Variants in CDH2 observed in about 807,000 individuals in gnomAD.
CDH2 encodes the protein cadherin-2.
Under a neutral mutation model 92.0 loss-of-function variants are expected in CDH2, and 17 were observed. The ratio of observed to expected loss-of-function variants is 0.18; its 90% CI spans 0.13 to 0.28. The LOEUF (loss-of-function observed/expected upper bound fraction) is 0.28, where lower values mean the gene tolerates loss of function less well. Ranked by LOEUF, CDH2 falls within the 10% of genes least tolerant of loss-of-function variation. The pLI is 1.00. For missense variants in CDH2, 862 were observed against 1,133.1 expected, an observed-to-expected ratio of 0.76 and a Z score of 3.44; for synonymous variants, 419 against 415.9, an observed-to-expected ratio of 1.01 and a Z score of -0.09.
chr18:28,024,585 A>T (rs1289416372), intron 2 of CDH2, among the ~76,000 whole-genome samples: 1 of 151,420 alleles, frequency 6.6e-6, no homozygotes, highest in Non-Finnish European at 1.5e-5. Context: ...TTAGTAATTA[A>T]AAGTTAAAAA....
intron 2 of CDH2, chr18:28,045,333 T>TA (rs2014052557): frequency 2.3e-6 from 1 of 442,818 alleles, no homozygotes; most frequent in Non-Finnish European, 4.6e-6. Context: ...AGCTGATGAA[T>TA]AAGTCTTTGT....
chr18:28,008,346 T>C (rs2012999744), intron 5 of CDH2, among the ~76,000 whole-genome samples: 2 of 152,158 alleles, frequency 1.3e-5, no homozygotes, highest in African/African-American at 2.4e-5. Flanking sequence ...AGCATTAGAA[T>C]AACCTATTCC....
intron 10 of CDH2, 76 bp downstream of exon 10, chr18:27,990,021 T>A: frequency 9.4e-7 from 1 of 1,060,480 alleles, no homozygotes; most frequent in Non-Finnish European, 1.4e-6. Flanking sequence ...TCTACTCAAA[T>A]AGTGAATTAG....
At chr18:28,151,688 A>C (rs922271254) in intron 1 of CDH2, among the ~76,000 whole-genome samples, 1 of 152,190 alleles carries the variant, frequency 6.6e-6, no homozygotes, top group African/African-American at 2.4e-5. Context: ...GAAATTCTGG[A>C]ACTTCCAAGA....
At chr18:28,087,327 A>G (rs1188003359) in intron 2 of CDH2, among the ~76,000 whole-genome samples, 1 of 152,180 alleles carries the variant, frequency 6.6e-6, no homozygotes, top group African/African-American at 2.4e-5. Flanking sequence ...AGATGTAAAC[A>G]CAATAAGCCC....
At chr18:27,995,005 T>C (rs535853126) in intron 7 of CDH2, among the ~76,000 whole-genome samples, 2 of 152,106 alleles carry the variant, frequency 1.3e-5, no homozygotes, top group Non-Finnish European at 2.9e-5. Context: ...CCACAGTACC[T>C]CACTATAATG....
intron 2 of CDH2, among the ~76,000 whole-genome samples, chr18:28,073,260 A>T (rs1057162969): frequency 2.6e-5 from 4 of 152,178 alleles, no homozygotes; most frequent in African/African-American, 9.6e-5. Flanking sequence ...CATGTTTTCA[A>T]TGTAGAGAAG....
At chr18:28,085,384 A>G (rs1047347654) in intron 2 of CDH2, among the ~76,000 whole-genome samples, 5 of 152,090 alleles carry the variant, frequency 3.3e-5, no homozygotes, top group African/African-American at 1.2e-4. Flanking sequence ...GACCGCAAGC[A>G]CTGCATTCTA....
chr18:28,027,497 C>T (rs1243084883), intron 2 of CDH2, among the ~76,000 whole-genome samples: 5 of 151,626 alleles, frequency 3.3e-5, no homozygotes, highest in South Asian at 4.2e-4. Flanking sequence ...AAAGAAATAA[C>T]GTGCTATGTT....
chr18:28,131,887 T>C (rs992416705), intron 2 of CDH2, among the ~76,000 whole-genome samples: 1 of 152,172 alleles, frequency 6.6e-6, no homozygotes, highest in Admixed American at 6.5e-5. Flanking sequence ...TTTTCTTATT[T>C]CTCAATAAAC....
chr18:28,010,376 C>T (rs2013060897), intron 4 of CDH2, among the ~76,000 whole-genome samples: 2 of 152,322 alleles, frequency 1.3e-5, no homozygotes, highest in South Asian at 4.1e-4. Flanking sequence ...TAACACTGTT[C>T]ATTGCGCACC....
intron 2 of CDH2, among the ~76,000 whole-genome samples, chr18:28,031,089 T>C (rs571190623): frequency 2.0e-5 from 3 of 151,322 alleles, no homozygotes; most frequent in South Asian, 4.2e-4. Context: ...AGATCTAGTA[T>C]CCTACATCTA....
At chr18:28,103,639 T>C (rs1454204235) in intron 2 of CDH2, among the ~76,000 whole-genome samples, 1 of 151,900 alleles carries the variant, frequency 6.6e-6, no homozygotes, top group Non-Finnish European at 1.5e-5. Context: ...CTCCTAATGC[T>C]ATCCATCCCC....
chr18:27,992,585 T>A, intron 9 of CDH2, 70 bp downstream of exon 9: 1 of 1,261,478 alleles, frequency 7.9e-7, no homozygotes, highest in Middle Eastern at 2.8e-4. Flanking sequence ...TGCAAAACAA[T>A]GAGTGGGGGA....
At chr18:28,022,557 A>G (rs1050714974) in intron 2 of CDH2, among the ~76,000 whole-genome samples, 2 of 152,100 alleles carry the variant, frequency 1.3e-5, no homozygotes, top group African/African-American at 4.8e-5. Context: ...TAGAGTATTT[A>G]CCACTTTTTC....
At chr18:28,042,751 T>C (rs2013972585) in intron 2 of CDH2, among the ~76,000 whole-genome samples, 2 of 152,324 alleles carry the variant, frequency 1.3e-5, no homozygotes, top group South Asian at 2.1e-4. Flanking sequence ...TTAGCATTCC[T>C]TCTGTTTGAA....
exon 7 of CDH2, among the ~76,000 whole-genome samples, chr18:27,933,073 G>C (rs1219384337): frequency 6.6e-6 from 1 of 152,028 alleles, no homozygotes; most frequent in East Asian, 1.9e-4. Flanking sequence ...CTGAGATCAT[G>C]GTGCCCACGA....
At chr18:28,088,628 G>A (rs1034164529) in intron 2 of CDH2, among the ~76,000 whole-genome samples, 1 of 152,120 alleles carries the variant, frequency 6.6e-6, no homozygotes, top group African/African-American at 2.4e-5. Flanking sequence ...AGAGGCATCT[G>A]GTGAGCTAGG....
intron 2 of CDH2, among the ~76,000 whole-genome samples, chr18:28,108,776 T>TG (rs2015362705): frequency 2.2e-5 from 3 of 137,492 alleles, no homozygotes; most frequent in Non-Finnish European, 4.8e-5. Context: ...TAGATGTACC[T>TG]AAAAAAAAAA....
Sources: allele counts gnomAD v4.1 joint callset (sites outside exome capture counted in the v4.1 genomes callset), GRCh38; gene constraint gnomAD v4.1.1; transcripts MANE v1.5; gene names NCBI Gene and HGNC (gene_info 2026-07-23, HGNC 2026-07-21).